Variants in PLXNA4 observed in about 807,000 individuals in gnomAD.
The protein encoded by PLXNA4 is plexin A4.
In PLXNA4, 44 loss-of-function variants were observed where a neutral mutation model predicts 191.8. That is an observed-to-expected ratio of 0.23 (90% confidence interval 0.18 to 0.29). PLXNA4 has a LOEUF of 0.29. Ranked by LOEUF, PLXNA4 falls within the 10% of genes least tolerant of loss-of-function variation. PLXNA4 has a pLI of 1.00. For missense variants in PLXNA4, 1,800 were observed against 2,488.8 expected, an observed-to-expected ratio of 0.72 and a Z score of 5.89; for synonymous variants, 1,082 against 1,009.5, an observed-to-expected ratio of 1.07 and a Z score of -1.36.
chr7:132,322,150 A>G (rs1032098043), intron 3 of PLXNA4, among the ~76,000 whole-genome samples: 2 of 148,920 alleles, frequency 1.3e-5, no homozygotes, highest in Admixed American at 1.4e-4. Flanking sequence ...GAAACCAGGT[A>G]GACCAAGGCT....
At chr7:132,491,702 G>A (rs1257358813) in intron 2 of PLXNA4, among the ~76,000 whole-genome samples, 1 of 152,022 alleles carries the variant, frequency 6.6e-6, no homozygotes, top group Admixed American at 6.5e-5. Flanking sequence ...CCAGAGGCAG[G>A]CAGATCATCT....
intron 3 of PLXNA4, among the ~76,000 whole-genome samples, chr7:132,454,040 C>T (rs528378999): frequency 1.3e-5 from 2 of 152,334 alleles, no homozygotes; most frequent in African/African-American, 2.4e-5. Context: ...CTGGTGTGGG[C>T]AACAGCCTAG....
At chr7:132,377,810 G>C (rs1804722554) in intron 3 of PLXNA4, among the ~76,000 whole-genome samples, 1 of 152,146 alleles carries the variant, frequency 6.6e-6, no homozygotes, top group South Asian at 2.1e-4. Flanking sequence ...CAGAGACCTG[G>C]GGCTGAGGAG....
chr7:132,442,584 T>C (rs569045735), intron 3 of PLXNA4, among the ~76,000 whole-genome samples: 1 of 152,186 alleles, frequency 6.6e-6, no homozygotes, highest in Non-Finnish European at 1.5e-5. Flanking sequence ...TCTTTTTTCT[T>C]TTGCTGACCT....
chr7:132,134,165 G>A (rs1207817415), intron 30 of PLXNA4, among the ~76,000 whole-genome samples: 3 of 152,214 alleles, frequency 2.0e-5, no homozygotes, highest in Admixed American at 6.5e-5. Flanking sequence ...TCTTGGGGTT[G>A]TGCAAGTATT....
At chr7:132,489,581 C>T in intron 2 of PLXNA4, 107 bp from the exon 3 acceptor site, 1 of 1,001,640 alleles carries the variant, frequency 1.0e-6, no homozygotes, top group Non-Finnish European at 1.4e-6. Context: ...GATGAAACAT[C>T]TGGTAACAAT....
At chr7:132,190,132 G>T (rs1358858263) in intron 14 of PLXNA4, among the ~76,000 whole-genome samples, 2 of 152,096 alleles carry the variant, frequency 1.3e-5, no homozygotes, top group African/African-American at 4.8e-5. Flanking sequence ...CCCATCTTTT[G>T]GTGCACTAGA....
chr7:132,594,971 TAGATA>T (rs1376470146), intron 2 of PLXNA4, among the ~76,000 whole-genome samples: 2 of 148,172 alleles, frequency 1.3e-5, no homozygotes, highest in Admixed American at 1.4e-4. Flanking sequence ...AGATAATTGA[TAGATA>T]ATAGATAGAT....
intron 20 of PLXNA4, 88 bp from the exon 21 acceptor site, chr7:132,175,008 G>C: frequency 6.5e-7 from 1 of 1,550,238 alleles, no homozygotes; most frequent in Non-Finnish European, 8.8e-7. Flanking sequence ...CCTTACCCAA[G>C]CCCCTAGGAG....
chr7:132,306,657 G>A (rs752340484), intron 3 of PLXNA4, among the ~76,000 whole-genome samples: 19 of 152,300 alleles, frequency 1.2e-4, no homozygotes, highest in East Asian at 1.9e-4. Flanking sequence ...GTAAGTACTC[G>A]TTGAATGAAT....
chr7:132,339,908 G>A (rs1802960166), intron 3 of PLXNA4, among the ~76,000 whole-genome samples: 1 of 152,126 alleles, frequency 6.6e-6, no homozygotes, highest in African/African-American at 2.4e-5. Context: ...CACAGAAGCT[G>A]AACCTAATAA....
At chr7:132,582,703 C>T (rs1305329121) in intron 2 of PLXNA4, among the ~76,000 whole-genome samples, 1 of 152,202 alleles carries the variant, frequency 6.6e-6, no homozygotes, top group Non-Finnish European at 1.5e-5. Flanking sequence ...ACTGAGGTCC[C>T]AGACATCATG....
chr7:132,179,321 G>GCA lies in PLXNA4; in HGVS notation c.3874+364_3874+365dup, dbSNP rs111879050. Among the ~76,000 whole-genome samples, 117 of 125,018 alleles carry GCA rather than the reference G, an allele frequency of 9.4e-4. 4 individuals are homozygous for GCA. Among genetic ancestry groups the GCA allele is most frequent in the African/African-American group, 3.3e-3 (109 of 33,456 alleles). The allele number at this position is 125,018 out of a possible 152,430, so 82.0% of individuals were successfully genotyped here. ...CACATACACATACATACACACACAT[G>GCA]CACACGCACACACAGAGCCTCCAGC... On this transcript the variant is annotated intron_variant, in intron 20 of 31. Coordinates refer to ENST00000321063, the MANE Select transcript of PLXNA4 (RefSeq NM_020911.2).
At chr7:132,291,199 C>T (rs1800878391) in intron 4 of PLXNA4, among the ~76,000 whole-genome samples, 1 of 152,190 alleles carries the variant, frequency 6.6e-6, no homozygotes, top group Non-Finnish European at 1.5e-5. Flanking sequence ...TTCCCTCCAC[C>T]TGGACCACTT....
At chr7:132,330,823 C>T (rs577126001) in intron 3 of PLXNA4, among the ~76,000 whole-genome samples, 1 of 152,326 alleles carries the variant, frequency 6.6e-6, no homozygotes, top group East Asian at 1.9e-4. Context: ...TGTATCCCTA[C>T]TTATCACAAA....
chr7:132,551,232 C>A lies in PLXNA4; in HGVS notation c.-87+25190G>T, dbSNP rs929490684. Among the ~76,000 whole-genome samples, 8 of 152,298 alleles carry A rather than the reference C, an allele frequency of 5.3e-5. No individual in the cohort carries two copies. The East Asian group carries it at 1.4e-3, about 26-fold the overall frequency. ...CAGCAGCTTTCTTCACACATTTTCT[C>A]TTCCCTTCTCTCTTGACCAGATACA... On this transcript the variant is annotated intron_variant, in intron 1 of 31. Coordinates refer to ENST00000321063, the MANE Select transcript of PLXNA4 (RefSeq NM_020911.2).
rs577891788 is a variant in PLXNA4 at position 132,179,290 on chromosome 7, A to G, written c.3874+397T>C. Among the ~76,000 whole-genome samples the G allele has an allele frequency of 3.4e-5, 5 of 144,992 alleles. 1 individual carries two copies. Among genetic ancestry groups the G allele is most frequent in the Non-Finnish European group, 7.5e-5 (5 of 66,684 alleles). On this transcript the variant is annotated intron_variant, in intron 20 of 31. Transcript: ENST00000321063. ...AGTTGCCTGGCCTGCTTGCTTGTAA[A>G]TGGAACACATACACATACATACACA...
chr7:132,132,468 C>CTCTGTTCTGT lies in PLXNA4; in HGVS notation c.5589+580_5589+581insACAGAACAGA, dbSNP rs1448510801. 1.6e-4 allele frequency among the ~76,000 whole-genome samples: 7 copies of CTCTGTTCTGT among 44,590 alleles called. No individual in the cohort carries two copies. The East Asian group carries it at 3.5e-3, about 22-fold the overall frequency. The allele number at this position is 44,590 out of a possible 152,430, so 29.3% of individuals were successfully genotyped here. ...TTCTGTTCTGTTCTGTTCTGTTCTG[C>CTCTGTTCTGT]TCTGCTCTGCTCTGCTCTGCTCTAT... is the stretch of plus-strand genomic sequence containing the variant. On this transcript the variant is annotated intron_variant, in intron 31 of 31. Transcript: ENST00000321063.
intron 3 of PLXNA4, among the ~76,000 whole-genome samples, chr7:132,301,217 T>C (rs1213570231): frequency 3.3e-5 from 5 of 152,204 alleles, no homozygotes; most frequent in Non-Finnish European, 7.3e-5. Context: ...TATTCATCTG[T>C]TGAAAAAATT....
Sources: allele counts gnomAD v4.1 joint callset (sites outside exome capture counted in the v4.1 genomes callset), GRCh38; gene constraint gnomAD v4.1.1; transcripts MANE v1.5; gene names NCBI Gene and HGNC (gene_info 2026-07-23, HGNC 2026-07-21).